Variants in ASTN2 observed in about 807,000 individuals in gnomAD.
ASTN2 encodes the protein astrotactin 2.
Under a neutral mutation model 139.8 loss-of-function variants are expected in ASTN2, and 54 were observed. The observed-to-expected ratio is 0.39, with a 90% CI of 0.31 to 0.48. The LOEUF is 0.48. ASTN2 is among the 20% of genes least tolerant of loss of function. The pLI, the probability that ASTN2 is intolerant of heterozygous loss-of-function variation, is 0.95. For missense variants in ASTN2, 1,565 were observed against 1,725.1 expected (o/e 0.91, Z 1.64); for synonymous variants, 756 against 719.5 (o/e 1.05, Z -0.81).
At chr9:117,217,720 G>C (rs4266720) in intron 2 of ASTN2, among the ~76,000 whole-genome samples, 4 of 152,216 alleles carry the variant, frequency 2.6e-5, no homozygotes, top group Admixed American at 1.3e-4. Context: ...TTTAATATAG[G>C]GTAGGGGCAC....
chr9:117,261,101 A>G (rs1284723192), intron 2 of ASTN2, among the ~76,000 whole-genome samples: 1 of 152,234 alleles, frequency 6.6e-6, no homozygotes, highest in Non-Finnish European at 1.5e-5. Flanking sequence ...GAATAACACT[A>G]AAGACAGAGC....
chr9:116,716,222 C>T (rs1228694676), intron 16 of ASTN2, among the ~76,000 whole-genome samples: 2 of 152,204 alleles, frequency 1.3e-5, no homozygotes, highest in African/African-American at 4.8e-5. Context: ...GTATCAATCT[C>T]TTGTCACTTC....
At chr9:116,451,559 A>T (rs576912819) in intron 20 of ASTN2, among the ~76,000 whole-genome samples, 4 of 152,288 alleles carry the variant, frequency 2.6e-5, no homozygotes, top group African/African-American at 9.6e-5. Context: ...TTCAATAAAA[A>T]TGTATTCTTG....
intron 1 of ASTN2, 68 bp from the exon 2 acceptor site, chr9:117,291,581 A>G: frequency 6.9e-7 from 1 of 1,449,394 alleles, no homozygotes; most frequent in Non-Finnish European, 9.3e-7. Context: ...GGAGGAAAAG[A>G]GCCCACATAA....
Position 117,282,971 on chromosome 9 carries a change from A to C in ASTN2, c.630+8355T>G, listed in dbSNP as rs150239504. Reference sequence around the variant, plus strand: ...CAGCTCCAAGATCCCACTATATTTCATACTTCTACTGTTTTTTTTTTTTTT... The same window carrying C: ...CAGCTCCAAGATCCCACTATATTTCCTACTTCTACTGTTTTTTTTTTTTTT... On this transcript the variant is annotated intron_variant, in intron 2 of 22. Transcript: ENST00000313400. 2.0e-5 allele frequency among the ~76,000 whole-genome samples: 3 copies of C among 147,286 alleles called. No individual in the cohort carries two copies. In the East Asian group the frequency reaches 5.9e-4, roughly 29 times the overall value.
intron 22 of ASTN2, among the ~76,000 whole-genome samples, chr9:116,439,475 C>T (rs1164068433): frequency 7.2e-6 from 1 of 139,838 alleles, no homozygotes; most frequent in Non-Finnish European, 1.5e-5. Context: ...GCTGGGATTA[C>T]AGGCGTGAGC....
intron 20 of ASTN2, among the ~76,000 whole-genome samples, chr9:116,482,543 G>T (rs375882111): frequency 2.0e-5 from 3 of 151,986 alleles, no homozygotes; most frequent in African/African-American, 7.2e-5. Context: ...GCAAGCCTCC[G>T]GGCTCACTGA....
chr9:116,509,780 C>T (rs1213875722), intron 19 of ASTN2, among the ~76,000 whole-genome samples: 5 of 152,096 alleles, frequency 3.3e-5, no homozygotes, highest in Non-Finnish European at 5.9e-5. Flanking sequence ...CATTTTTGCA[C>T]GTGTCTGTAG....
chr9:117,013,037 C>G (rs1321903448), intron 6 of ASTN2, among the ~76,000 whole-genome samples: 1 of 152,026 alleles, frequency 6.6e-6, no homozygotes, highest in Non-Finnish European at 1.5e-5. Context: ...CCCTCACTTT[C>G]CTTACTTATT....
intron 10 of ASTN2, among the ~76,000 whole-genome samples, chr9:116,958,121 G>A (rs1056759499): frequency 1.3e-5 from 2 of 152,180 alleles, no homozygotes; most frequent in Non-Finnish European, 2.9e-5. Context: ...CCACTGTAAG[G>A]TTATTATTTT....
At chr9:116,880,528 G>A (rs1245969399) in intron 10 of ASTN2, among the ~76,000 whole-genome samples, 1 of 152,158 alleles carries the variant, frequency 6.6e-6, no homozygotes, top group African/African-American at 2.4e-5. Flanking sequence ...ATAAACAAAA[G>A]CTTTCAGGGG....
At chr9:116,930,141 A>G (rs1834858833) in intron 10 of ASTN2, among the ~76,000 whole-genome samples, 1 of 152,174 alleles carries the variant, frequency 6.6e-6, no homozygotes, top group Non-Finnish European at 1.5e-5. Flanking sequence ...AACAGAGGTG[A>G]GGACAGCCAG....
At chr9:116,980,731 G>A (rs1209182954) in intron 7 of ASTN2, among the ~76,000 whole-genome samples, 5 of 152,184 alleles carry the variant, frequency 3.3e-5, no homozygotes, top group Admixed American at 3.3e-4. Flanking sequence ...AATGCCATAG[G>A]TATTGGCTTT....
intron 3 of ASTN2, among the ~76,000 whole-genome samples, chr9:117,182,851 G>T (rs1384810724): frequency 2.0e-5 from 3 of 151,970 alleles, no homozygotes; most frequent in Non-Finnish European, 4.4e-5. Context: ...GGCCTTCTAG[G>T]CCATTAAGCA....
intron 3 of ASTN2, among the ~76,000 whole-genome samples, chr9:117,186,275 G>A (rs990693548): frequency 4.6e-5 from 7 of 152,130 alleles, no homozygotes; most frequent in African/African-American, 1.2e-4. Context: ...GGCCGGGCGC[G>A]GTGGCCCACG....
chr9:116,837,553 CA>C lies in ASTN2; in HGVS notation c.2041-16771del, dbSNP rs1832043395. Among the ~76,000 whole-genome samples the C allele has an allele frequency of 2.0e-5, 3 of 152,314 alleles. No homozygotes were observed. The South Asian group carries it at 6.2e-4, about 32-fold the overall frequency. Reference sequence around the variant, plus strand: ...TCCTAGCTCGACTTTTCATCATCACCAAGCCATTTGTTTCTGTTTGTAATTA... The same window carrying C: ...TCCTAGCTCGACTTTTCATCATCACCAGCCATTTGTTTCTGTTTGTAATTA... On this transcript the variant is annotated intron_variant, in intron 11 of 22. Transcript: ENST00000313400.
intron 7 of ASTN2, among the ~76,000 whole-genome samples, chr9:116,999,185 T>C (rs578113659): frequency 1.3e-5 from 2 of 152,302 alleles, no homozygotes; most frequent in East Asian, 1.9e-4. Flanking sequence ...CATACTTACA[T>C]GCTAAGTTAT....
chr9:116,699,717 T>A lies in ASTN2; in HGVS notation c.2806+26054A>T. ...TTCCACCCCATAGGGGATGAGAAAT[T>A]ATCAGTTTCTTCTGCTCCCAAGCCA... On this transcript the variant is annotated intron_variant, in intron 16 of 22. Coordinates refer to ENST00000313400, the MANE Select transcript of ASTN2 (RefSeq NM_001365068.1). The surrounding 1 kb of genome is among the most constrained non-coding windows in gnomAD (Gnocchi z 4.2). 1 of 1,614,164 alleles carries A rather than the reference T, an allele frequency of 6.2e-7. No individual in the cohort carries two copies.
At chr9:116,851,854 A>C (rs549615056) in intron 11 of ASTN2, among the ~76,000 whole-genome samples, 6 of 152,254 alleles carry the variant, frequency 3.9e-5, no homozygotes, top group African/African-American at 1.4e-4. Flanking sequence ...GCCAAATCCC[A>C]CTGGCTCTTA....
Sources: allele counts gnomAD v4.1 joint callset (sites outside exome capture counted in the v4.1 genomes callset), GRCh38; gene constraint gnomAD v4.1.1; non-coding constraint Gnocchi (gnomAD v3.1); transcripts MANE v1.5; gene names NCBI Gene and HGNC (gene_info 2026-07-23, HGNC 2026-07-21).